HECTD3: variants seen among roughly 807,000 people sequenced by gnomAD.
HECTD3 encodes the protein E3 ubiquitin-protein ligase HECTD3.
A neutral mutation model predicts 109.3 loss-of-function variants in HECTD3; 72 were observed. That is an observed-to-expected ratio of 0.66 (90% CI 0.54 to 0.80). The LOEUF is 0.80. Among genes scored for constraint, HECTD3 ranks in the 30% least tolerant of loss-of-function variants. The pLI, the probability that HECTD3 is intolerant of heterozygous loss-of-function variation, is 0.00. For missense variants in HECTD3, 1,041 were observed against 1,165.2 expected (o/e 0.89, Z 1.55); for synonymous variants, 481 against 471.8 (o/e 1.02, Z -0.25).
intron 15 of HECTD3, chr1:45,005,213 C>T (rs1285432433): frequency 7.2e-6 from 2 of 277,714 alleles, no homozygotes; most frequent in Admixed American, 4.8e-5. Context: ...AGCCCAGGGC[C>T]GAGCCATCAA....
chr1:45,010,261 TGTGA>T lies in HECTD3; in HGVS notation c.559_562del (p.Ser187IlefsTer35), dbSNP rs1644774090. On this transcript the variant is annotated frameshift_variant, in exon 3 of 21. Transcript: ENST00000372172. LOFTEE classifies it high-confidence loss of function. ...CGGCTGAGGTCTCGATCCCAGGCGA[TGTGA>T]GTATGTCAGGTCCACCACCTGTTCC... 4 of 1,613,966 alleles carry T rather than the reference TGTGA, an allele frequency of 2.5e-6. No homozygotes were observed. Among genetic ancestry groups the T allele is most frequent in the Non-Finnish European group, 2.5e-6 (3 of 1,179,982 alleles).
chr1:45,010,346 C>T, intron 2 of HECTD3, 53 bp from the exon 3 acceptor site: 1 of 1,546,624 alleles, frequency 6.5e-7, no homozygotes, highest in Non-Finnish European at 8.9e-7. Flanking sequence ...GTCAGCAAGA[C>T]ACTACCTCCA....
At position 45,006,933 on chromosome 1, in the gene HECTD3, C is replaced by G. The variant is rs1644740880; in HGVS notation, c.1621+18G>C. On this transcript the variant is annotated intron_variant, in intron 12 of 20. Coordinates refer to ENST00000372172, the MANE Select transcript of HECTD3 (RefSeq NM_024602.6). This position sits in a 1 kb window ranked among gnomAD's most constrained non-coding sequence, Gnocchi z 4.7. ...GGGCAGCAAGCAGGACCCTTGAGAT[C>G]CTCCCTCAGGGCCTCACCTTGGTCA... 6.2e-7 allele frequency: 1 copy of G among 1,613,294 alleles called. No homozygotes were observed. Among genetic ancestry groups the G allele is most frequent in the East Asian group, 2.2e-5 (1 of 44,876 alleles).
In HECTD3 at chr1:45,003,717, G is replaced by T; in HGVS notation, c.2453C>A (p.Pro818His). The change falls in exon 20 of 21, where the codon CCC becomes CAC. Residue 818 changes from proline to histidine, a missense_variant. Transcript: ENST00000372172. This position sits in a 1 kb window ranked among gnomAD's most constrained non-coding sequence, Gnocchi z 4.7. ...KLGYETTDAL[P>H]ESSTCSSTLF... ...GGTGCTGGAGCAAGTGGAAGACTCG[G>T]GCAGCGCGTCTGTGGTCTCGTAGCT... 1 of 1,614,082 alleles carries T rather than the reference G, an allele frequency of 6.2e-7. No homozygotes were observed. The highest frequency in any genetic ancestry group is 1.1e-5 in the South Asian group (1 of 91,076).
rs200742704 is a variant in HECTD3, at chr1:45,008,511, C to A, written c.1238+25G>T. On this transcript the variant is annotated intron_variant, in intron 8 of 20. Coordinates refer to ENST00000372172, the MANE Select transcript of HECTD3 (RefSeq NM_024602.6). ...GCTCAATGTTGGGGGAAGGGAAGGGCCCATAGGTCCAGGACCACAGCCACC... is the reference window on the plus strand; with the variant it reads ...GCTCAATGTTGGGGGAAGGGAAGGGACCATAGGTCCAGGACCACAGCCACC... 901 of 1,608,190 alleles carry A rather than the reference C, an allele frequency of 5.6e-4. 7 individuals carry two copies. Among genetic ancestry groups the A allele is most frequent in the Non-Finnish European group, 1.7e-4 (199 of 1,175,174 alleles).
Position 45,010,948 on chromosome 1 carries a change from C to T in HECTD3, c.310G>A (p.Val104Met). The change falls in exon 1 of 21, where the codon GTG becomes ATG. Residue 104 changes from valine (V) to methionine (M), a missense_variant. By Grantham distance (21) the Val-to-Met change is conservative. This residue lies in a region of HECTD3 where 472 missense variants were observed against 449.9 expected (regional missense o/e 1.05). Transcript: ENST00000372172. The stretch of plus-strand genomic sequence containing the variant: ...CACAGCTCCTCGCCCGTGGTGCGCA[C>T]GCAGGCGCCGCGCCGGAGCTCAATG... ...DSIELRRGAC[V>M]RTTGEELCNG... 6.5e-7 allele frequency: 1 copy of T among 1,535,830 alleles called. No homozygotes were observed. Among genetic ancestry groups the T allele is most frequent in the Non-Finnish European group, 8.7e-7 (1 of 1,154,244 alleles).
chr1:45,008,164 A>T, intron 9 of HECTD3, 76 bp downstream of exon 9: 1 of 1,168,960 alleles, frequency 8.6e-7, no homozygotes, highest in South Asian at 1.3e-5. Context: ...AGATTTTAGG[A>T]ACTCTGCTAA....
In HECTD3 at chr1:45,007,497, G is replaced by A. The variant is rs1156408668; in HGVS notation, c.1419C>T (p.Arg473=). The A allele has an allele frequency of 1.9e-6, 3 of 1,613,988 alleles. No homozygotes were observed. The African/African-American group carries it at 4.0e-5, about 22-fold the overall frequency. ...SESSKPSFMP[R]LYINRRLAME... is the part of the protein sequence containing the mutation. ...TGGCAAGACGGCGGTTGATGTATAG[G>A]CGTGGCATGAAGCTGGGCTTGCTGC... The change falls in exon 10 of 21, where the codon CGC becomes CGT. Residue 473 remains arginine (R), a synonymous_variant. Transcript: ENST00000372172.
At chr1:45,005,739 A>T in intron 15 of HECTD3, 55 bp downstream of exon 15, 1 of 1,434,176 alleles carries the variant, frequency 7.0e-7, no homozygotes, top group Non-Finnish European at 9.5e-7. Context: ...AGCCTTAGGG[A>T]GGACCAACCT....
rs759540708 is a variant in HECTD3 at position 45,007,277 on chromosome 1, G to A, written c.1504-6C>T. ...GGCTTGAGGCCTTCATATACCTGGAGGCAAGGAGGAAAGGAGTCATAGGAA... is the reference window on the plus strand; with the variant it reads ...GGCTTGAGGCCTTCATATACCTGGAAGCAAGGAGGAAAGGAGTCATAGGAA... On this transcript the variant is annotated splice_region_variant and splice_polypyrimidine_tract_variant and intron_variant, in intron 10 of 20. Coordinates refer to ENST00000372172, the MANE Select transcript of HECTD3 (RefSeq NM_024602.6). 6.2e-6 allele frequency: 10 copies of A among 1,612,972 alleles called. No homozygotes were observed. In the East Asian group the frequency reaches 1.1e-4, roughly 18 times the overall value.
At position 45,003,468 on chromosome 1, in the gene HECTD3, T is replaced by C; in HGVS notation, c.*24A>G. On this transcript the variant is annotated 3_prime_UTR_variant, in exon 21 of 21. Transcript: ENST00000372172. This position sits in a 1 kb window ranked among gnomAD's most constrained non-coding sequence, Gnocchi z 4.7. ...CCAAGAGGGACACGTGCAGTCTTGC[T>C]GGTCCCACAGCCGGCGGCACGCCTC... The C allele has an allele frequency of 1.2e-6, 2 of 1,607,990 alleles. No homozygotes were observed. The highest frequency in any genetic ancestry group is 1.7e-6 in the Non-Finnish European group (2 of 1,174,664).
chr1:45,009,923 T>C, intron 4 of HECTD3, 63 bp downstream of exon 4: 2 of 1,512,250 alleles, frequency 1.3e-6, no homozygotes, highest in Non-Finnish European at 1.8e-6. Context: ...GGGTTCTTTC[T>C]GGATCTAGCC....
rs745357106 is a variant in HECTD3 at position 45,010,912 on chromosome 1, C to G, written c.346G>C (p.Gly116Arg). ...ACCTTTGTCAGCTTCACCCAGAGCC[C>G]GTGGCCATTGCACAGCTCCTCGCCC... ...TTGEELCNGHGLWVKLTKEQL... is the reference protein window; with the variant it reads ...TTGEELCNGHRLWVKLTKEQL... Residue 116 changes from glycine (G) to arginine (R), a missense_variant, in exon 1 of 21, where the codon GGG becomes CGG. Physicochemically the swap from Gly to Arg is moderately radical, Grantham distance 125. Around this residue, in one of 2 missense-constraint regions of HECTD3, gnomAD observed 472 missense variants for 449.9 expected, o/e 1.05. Transcript: ENST00000372172. The G allele has an allele frequency of 1.3e-6, 2 of 1,544,716 alleles. No homozygotes were observed. The highest frequency in any genetic ancestry group is 4.1e-5 in the Admixed American group (2 of 48,378).
intron 17 of HECTD3, 27 bp from the exon 18 acceptor site, chr1:45,004,161 T>C (rs1331571989): frequency 1.2e-6 from 2 of 1,614,144 alleles, no homozygotes; most frequent in South Asian, 1.1e-5. Context: ...CAGCATTCAT[T>C]CTTGGGTCTC....
At position 45,011,153 on chromosome 1, in the gene HECTD3, C is replaced by T. The variant is rs1176846550; in HGVS notation, c.105G>A (p.Pro35=). ...GCACGAAAGCCAGCGCTGCTGGCAG[C>T]GGCCGCCCGGCGCGGAGGCTCCGCG... is the stretch of plus-strand genomic sequence containing the variant. ...EAARSLRAGR[P]LPAALAFVPR... Residue 35 remains proline, a synonymous_variant, in exon 1 of 21, where the codon CCG becomes CCA. Transcript: ENST00000372172. 2 of 1,501,096 alleles carry T rather than the reference C, an allele frequency of 1.3e-6. No individual in the cohort carries two copies. The highest frequency in any genetic ancestry group is 1.2e-5 in the South Asian group (1 of 80,184). 93.0% of individuals were successfully genotyped at this position (1,501,096 alleles called of 1,614,324 possible).
At position 45,007,929 on chromosome 1, in the gene HECTD3, C is replaced by A. The variant is rs184247386; in HGVS notation, c.1320+311G>T. 2.0e-5 allele frequency among the ~76,000 whole-genome samples: 3 copies of A among 152,318 alleles called. No homozygotes were observed. The East Asian group carries it at 5.8e-4, about 29-fold the overall frequency. Reference sequence around the variant, plus strand: ...CACCCTCATCCCTCTGTCATACTCACACCTACTGGCACACTTTTCTCAAGA... The same window carrying A: ...CACCCTCATCCCTCTGTCATACTCAAACCTACTGGCACACTTTTCTCAAGA... On this transcript the variant is annotated intron_variant, in intron 9 of 20. Coordinates refer to ENST00000372172, the MANE Select transcript of HECTD3 (RefSeq NM_024602.6).
intron 18 of HECTD3, 26 bp downstream of exon 18, chr1:45,004,034 G>A (rs1206614653): frequency 2.5e-6 from 4 of 1,613,744 alleles, no homozygotes; most frequent in Non-Finnish European, 3.4e-6. Flanking sequence ...CCAAACCCAG[G>A]TGTCACCCTG....
chr1:45,010,294 C>T lies in HECTD3; in HGVS notation c.531-1G>A. On this transcript the variant is annotated splice_acceptor_variant, in intron 2 of 20. Transcript: ENST00000372172. LOFTEE classifies it high-confidence loss of function. The stretch of plus-strand genomic sequence containing the variant: ...TGTCAGGTCCACCACCTGTTCCCAC[C>T]TGTGGGCACAGAGTAGGGAGTGGGA... 1 of 1,613,122 alleles carries T rather than the reference C, an allele frequency of 6.2e-7. No homozygotes were observed. The highest frequency in any genetic ancestry group is 8.5e-7 in the Non-Finnish European group (1 of 1,179,176).
intron 8 of HECTD3, 77 bp downstream of exon 8, chr1:45,008,459 G>A (rs1194287163): frequency 4.5e-5 from 70 of 1,544,832 alleles, no homozygotes; most frequent in Non-Finnish European, 5.9e-5. Context: ...TGAGACCTTG[G>A]GAACCTCCTC....
Sources: gnomAD v4.1 joint callset for allele counts (sites outside exome capture counted in the v4.1 genomes callset) on GRCh38, gnomAD v4.1.1 for gene constraint, gnomAD v4.1.1 regional missense constraint, Gnocchi (gnomAD v3.1) non-coding constraint, MANE v1.5 for transcripts, NCBI Gene and HGNC (gene_info 2026-07-23, HGNC 2026-07-21) for gene names.